The following DRAXIN variants were observed in gnomAD, a reference collection of about 807,000 sequenced individuals.
DRAXIN encodes the protein dorsal inhibitory axon guidance protein, also known as dorsal repulsive axon guidance protein.
A neutral mutation model predicts 33.9 loss-of-function variants in DRAXIN; 27 were observed. The observed-to-expected ratio is 0.80, with a 90% CI of 0.59 to 1.10. DRAXIN has a LOEUF of 1.10. Among genes scored for constraint, DRAXIN ranks in the 50% least tolerant of loss-of-function variants. The pLI is 0.00. For missense variants in DRAXIN, 371 were observed against 460.8 expected (o/e 0.81, Z 1.78); for synonymous variants, 178 against 194.0 (o/e 0.92, Z 0.69).
intron 1 of DRAXIN, among the ~76,000 whole-genome samples, chr1:11,695,191 A>G (rs2100728999): frequency 1.3e-5 from 2 of 152,268 alleles, no homozygotes; most frequent in South Asian, 4.1e-4. Flanking sequence ...TCCCAGCTCT[A>G]TCACTTGCTC....
rs1465337800 is a variant in DRAXIN at position 11,710,696 on chromosome 1, C to CTT, written c.643-1155_643-1154insTT. 2.7e-5 allele frequency among the ~76,000 whole-genome samples: 4 copies of CTT among 146,298 alleles called. No individual in the cohort carries two copies. In the East Asian group the frequency reaches 8.0e-4, roughly 29 times the overall value. On this transcript the variant is annotated intron_variant, in intron 3 of 6. Coordinates refer to ENST00000294485, the MANE Select transcript of DRAXIN (RefSeq NM_198545.4). ...TTGGGAGGCCAAGGCGGGCAGATCA[C>CTT]AAGGTCAGGAAATCGAGACCATCCT... is the stretch of plus-strand genomic sequence containing the variant.
chr1:11,706,779 A>G lies in DRAXIN; in HGVS notation c.451+70A>G. On this transcript the variant is annotated intron_variant, in intron 2 of 6. Coordinates refer to ENST00000294485, the MANE Select transcript of DRAXIN (RefSeq NM_198545.4). The surrounding 1 kb of genome is among the most constrained non-coding windows in gnomAD (Gnocchi z 5.5). ...CATGGACTGAGGGGAGCAGGAGAGG[A>G]TGCAGGCAAGGGTCAGGGGCATGAG... 6.9e-7 allele frequency: 1 copy of G among 1,450,744 alleles called. No homozygotes were observed. The highest frequency in any genetic ancestry group is 9.1e-7 in the Non-Finnish European group (1 of 1,096,228). The allele number at this position is 1,450,744 out of a possible 1,614,324, so 89.9% of individuals were successfully genotyped here. A position where few individuals can be genotyped will look rare whatever the true frequency, so the allele number is the denominator to read the frequency against.
At chr1:11,710,220 G>A (rs988855161) in intron 3 of DRAXIN, among the ~76,000 whole-genome samples, 17 of 150,786 alleles carry the variant, frequency 1.1e-4, no homozygotes, top group African/African-American at 2.0e-4. Flanking sequence ...GGGCGGGCAC[G>A]TTGGCTCAAG....
intron 2 of DRAXIN, among the ~76,000 whole-genome samples, chr1:11,708,442 CT>C (rs1470419304): frequency 2.0e-5 from 3 of 152,200 alleles, no homozygotes; most frequent in Admixed American, 6.5e-5. Context: ...GAAACCCCAT[CT>C]CTATCAAAAA....
chr1:11,719,703 C>G lies in DRAXIN; in HGVS notation c.*7C>G, dbSNP rs766979885. ...ATCCTTCATCAACGTCTAGCGGCCC[C>G]GCGGGACTGGGGACTGAGCCCAGGA... is the stretch of plus-strand genomic sequence containing the variant. On this transcript the variant is annotated 3_prime_UTR_variant, in exon 7 of 7. Transcript: ENST00000294485. 4 of 1,612,490 alleles carry G rather than the reference C, an allele frequency of 2.5e-6. No homozygotes were observed. The highest frequency in any genetic ancestry group is 3.4e-6 in the Non-Finnish European group (4 of 1,179,014).
rs1641105676 is a variant in DRAXIN, at chr1:11,692,971, A to G, written c.-11+1118A>G. Among the ~76,000 whole-genome samples, 1 of 149,862 alleles carries G rather than the reference A, an allele frequency of 6.7e-6. No homozygotes were observed. Among genetic ancestry groups the G allele is most frequent in the Non-Finnish European group, 1.5e-5 (1 of 67,382 alleles). On this transcript the variant is annotated intron_variant, in intron 1 of 6. Coordinates refer to ENST00000294485, the MANE Select transcript of DRAXIN (RefSeq NM_198545.4). The surrounding 1 kb of genome is among the most constrained non-coding windows in gnomAD (Gnocchi z 5.8). Reference sequence around the variant, plus strand: ...AAGGGAGGGGAGGGGAGGGGAGTCTACAGACCTGGGATGGGGTGGGGACAG... The same window carrying G: ...AAGGGAGGGGAGGGGAGGGGAGTCTGCAGACCTGGGATGGGGTGGGGACAG...
Position 11,706,631 on chromosome 1 carries a change from C to T in DRAXIN, c.373C>T (p.Arg125Ter), listed in dbSNP as rs777115169. ...LALPYPEKEN[R>*]PPGWERTRKR... ...ATTGCCCTACCCCGAGAAGGAGAACCGACCTCCAGGTTGGGAGAGGACCAG... is the reference window on the plus strand; with the variant it reads ...ATTGCCCTACCCCGAGAAGGAGAACTGACCTCCAGGTTGGGAGAGGACCAG... Residue 125 changes from arginine (R) to a stop codon, truncating the protein, a stop_gained, in exon 2 of 7, where the codon CGA (arginine) becomes TGA (stop). Coordinates refer to ENST00000294485, the MANE Select transcript of DRAXIN (RefSeq NM_198545.4). LOFTEE classifies it high-confidence loss of function. The surrounding 1 kb of genome is among the most constrained non-coding windows in gnomAD (Gnocchi z 5.5). 2 of 1,600,398 alleles carry T rather than the reference C, an allele frequency of 1.2e-6. No individual in the cohort carries two copies. Among genetic ancestry groups the T allele is most frequent in the Non-Finnish European group, 8.5e-7 (1 of 1,179,482 alleles).
intron 1 of DRAXIN, among the ~76,000 whole-genome samples, chr1:11,695,609 A>ATATAT (rs1553169482): frequency 9.8e-6 from 1 of 102,476 alleles, no homozygotes; most frequent in Admixed American, 1.1e-4. Context: ...CTCAAAAAAA[A>ATATAT]AAATATATAT....
rs1188096706 is a variant in DRAXIN at position 11,721,687 on chromosome 1, G to C, written c.*1991G>C. 6.6e-6 allele frequency: 1 copy of C among 152,402 alleles called. No individual in the cohort carries two copies. Among genetic ancestry groups the C allele is most frequent in the Non-Finnish European group, 1.5e-5 (1 of 68,164 alleles). The allele number at this position is 152,402 out of a possible 1,614,324, so 9.4% of individuals were successfully genotyped here. ...GGAACTGGGAGATCAAAGCAGGCTA[G>C]CTGAAAGGCAGATATGGCTAGACAC... is the stretch of plus-strand genomic sequence containing the variant. On this transcript the variant is annotated 3_prime_UTR_variant, in exon 7 of 7. Transcript: ENST00000294485.
intron 5 of DRAXIN, among the ~76,000 whole-genome samples, 161 bp downstream of exon 5, chr1:11,712,590 C>T (rs1293793485): frequency 6.6e-6 from 1 of 152,212 alleles, no homozygotes; most frequent in East Asian, 1.9e-4. Flanking sequence ...TGCTGTCAGA[C>T]ATCCATTCAT....
intron 1 of DRAXIN, among the ~76,000 whole-genome samples, chr1:11,701,035 C>A (rs1449470277): frequency 6.6e-6 from 1 of 152,198 alleles, no homozygotes; most frequent in Non-Finnish European, 1.5e-5. Flanking sequence ...TCATCGCCTT[C>A]GTTTGCATAC....
At chr1:11,695,295 C>G (rs1392582213) in intron 1 of DRAXIN, among the ~76,000 whole-genome samples, 1 of 152,120 alleles carries the variant, frequency 6.6e-6, no homozygotes, top group African/African-American at 2.4e-5. Context: ...TTATCCACTT[C>G]AGGCCAGGTG....
chr1:11,718,474 A>T (rs1641613796), intron 6 of DRAXIN, among the ~76,000 whole-genome samples: 1 of 151,848 alleles, frequency 6.6e-6, no homozygotes, highest in Non-Finnish European at 1.5e-5. Context: ...TTATTTTTTA[A>T]TTTTTTTGAG....
Position 11,719,899 on chromosome 1 carries a change from C to T in DRAXIN, c.*203C>T. The T allele has an allele frequency of 1.8e-6, 1 of 568,636 alleles. No individual in the cohort carries two copies. The highest frequency in any genetic ancestry group is 3.2e-6 in the Non-Finnish European group (1 of 313,282). The allele number at this position is 568,636 out of a possible 1,614,324, so 35.2% of individuals were successfully genotyped here. A position where few individuals can be genotyped will look rare whatever the true frequency, so the allele number is the denominator to read the frequency against. ...AGCCGGCCCGCAGCACCTGCACACA[C>T]GAAGTCCGGACCCACGCAGCCTCCA... On this transcript the variant is annotated 3_prime_UTR_variant, in exon 7 of 7. Transcript: ENST00000294485.
At chr1:11,713,213 A>G (rs1641524853) in intron 5 of DRAXIN, among the ~76,000 whole-genome samples, 1 of 150,442 alleles carries the variant, frequency 6.6e-6, no homozygotes, top group Admixed American at 6.6e-5. Context: ...AAAAAAAAAT[A>G]CATTACTCAC....
At chr1:11,698,582 G>A (rs1044339064) in intron 1 of DRAXIN, among the ~76,000 whole-genome samples, 3 of 152,202 alleles carry the variant, frequency 2.0e-5, no homozygotes, top group Non-Finnish European at 2.9e-5. Flanking sequence ...TGCTGGGCCC[G>A]GGACTCACGC....
In DRAXIN at chr1:11,721,857, C is replaced by G. The variant is rs1641663168; in HGVS notation, c.*2161C>G. 1 of 152,228 alleles carries G rather than the reference C, an allele frequency of 6.6e-6. No individual in the cohort carries two copies. Among genetic ancestry groups the G allele is most frequent in the African/African-American group, 2.4e-5 (1 of 41,430 alleles). 9.4% of individuals were successfully genotyped at this position (152,228 alleles called of 1,614,324 possible). On this transcript the variant is annotated 3_prime_UTR_variant, in exon 7 of 7. Transcript: ENST00000294485. Reference sequence around the variant, plus strand: ...AAAATTAAGGCTGGGCACGAGGGCTCATGTCTGACATCCCAGCACTCTGGG... The same window carrying G: ...AAAATTAAGGCTGGGCACGAGGGCTGATGTCTGACATCCCAGCACTCTGGG...
intron 1 of DRAXIN, among the ~76,000 whole-genome samples, chr1:11,702,361 A>G (rs1641305424): frequency 6.7e-6 from 1 of 148,748 alleles, no homozygotes; most frequent in South Asian, 2.1e-4. Flanking sequence ...GACAACACAC[A>G]CACCTACACA....
chr1:11,693,074 C>T (rs544239962), intron 1 of DRAXIN, among the ~76,000 whole-genome samples: 1 of 152,192 alleles, frequency 6.6e-6, no homozygotes, highest in South Asian at 2.1e-4. Context: ...GCCTCTTCCC[C>T]CATCACACTT....
Sources: gnomAD v4.1 joint callset for allele counts (sites outside exome capture counted in the v4.1 genomes callset) on GRCh38, gnomAD v4.1.1 for gene constraint, Gnocchi (gnomAD v3.1) non-coding constraint, MANE v1.5 for transcripts, NCBI Gene and HGNC (gene_info 2026-07-23, HGNC 2026-07-21) for gene names.